The following RBM26 variants were observed in gnomAD, a reference collection of about 807,000 sequenced individuals.
The protein encoded by RBM26 is RNA-binding protein 26.
In RBM26, 30 loss-of-function variants were observed where a neutral mutation model predicts 123.6. The ratio of observed to expected loss-of-function variants is 0.24; its 90% confidence interval spans 0.18 to 0.33. The LOEUF is 0.33. Ranked by LOEUF, RBM26 falls within the 10% of genes least tolerant of loss-of-function variation. RBM26 has a pLI of 1.00. For missense variants in RBM26, 947 were observed against 1,203.6 expected, an observed-to-expected ratio of 0.79 and a Z score of 3.15; for synonymous variants, 400 against 404.4, an observed-to-expected ratio of 0.99 and a Z score of 0.13.
rs114666483 is a variant in RBM26 at position 79,323,277 on chromosome 13, A to G, written c.2821-815T>C. ...ATACTCACACAAGATTTATAATACA[A>G]TCTCAAAGTACAGCATAATGTGAAA... On this transcript the variant is annotated intron_variant, in intron 20 of 21. Transcript: ENST00000438737. 1.4e-3 allele frequency among the ~76,000 whole-genome samples: 207 copies of G among 151,702 alleles called. 1 individual carries two copies. The highest frequency in any genetic ancestry group is 4.7e-3 in the African/African-American group (194 of 41,510).
chr13:79,398,152 CCATTCATTCATTTCTCT>C (rs1293396191), intron 1 of RBM26, among the ~76,000 whole-genome samples: 1 of 152,170 alleles, frequency 6.6e-6, no homozygotes, highest in African/African-American at 2.4e-5. Context: ...GAACAGCTTA[CCATTCATTCATTTCTCT>C]CATTCATTCT....
chr13:79,396,481 T>C (rs1288505845), intron 1 of RBM26, among the ~76,000 whole-genome samples: 3 of 152,184 alleles, frequency 2.0e-5, no homozygotes, highest in Non-Finnish European at 2.9e-5. Flanking sequence ...TACAATGCAA[T>C]GTCAATAAAT....
At chr13:79,367,704 G>A (rs2075453881) in intron 6 of RBM26, among the ~76,000 whole-genome samples, 2 of 152,144 alleles carry the variant, frequency 1.3e-5, no homozygotes, top group South Asian at 2.1e-4. Flanking sequence ...TTCACCAGAT[G>A]CAGATGCTGG....
downstream of RBM26, chr13:79,314,955 G>C (rs1035542021): frequency 3.2e-5 from 42 of 1,297,560 alleles, no homozygotes; most frequent in Non-Finnish European, 4.0e-5. Flanking sequence ...TGCTCTTGCA[G>C]TCACAAAGCT....
intron 9 of RBM26, 133 bp from the exon 10 acceptor site, chr13:79,359,819 T>TAGA (rs2074465140): frequency 1.0e-5 from 2 of 198,986 alleles, no homozygotes; most frequent in Non-Finnish European, 9.8e-6. Flanking sequence ...ATTTTTTTTT[T>TAGA]AGAAGAAATA....
chr13:79,405,384 T>C (rs1277246428), intron 1 of RBM26, among the ~76,000 whole-genome samples: 5 of 152,096 alleles, frequency 3.3e-5, no homozygotes, highest in African/African-American at 1.2e-4. Flanking sequence ...AAATAATCTG[T>C]AGGAAGTAAA....
chr13:79,405,691 C>A lies in RBM26; in HGVS notation c.71+13G>T. The A allele has an allele frequency of 6.4e-7, 1 of 1,574,352 alleles. No individual in the cohort carries two copies. Among genetic ancestry groups the A allele is most frequent in the Non-Finnish European group, 8.7e-7 (1 of 1,153,384 alleles). ...CTGCCATCCCTGCAAAGAGATATCC[C>A]CCGGATACTCACATGGGCTCGAGAG... is the stretch of plus-strand genomic sequence containing the variant. On this transcript the variant is annotated intron_variant, in intron 1 of 21. Transcript: ENST00000438737.
At chr13:79,311,880 CAAT>C (rs1429891210) in exon 5 of RBM26, 2 of 151,696 alleles carry the variant, frequency 1.3e-5, no homozygotes, top group African/African-American at 4.8e-5. Context: ...AAATAATAAA[CAAT>C]ATGGATTTAA....
Position 79,319,212 on chromosome 13 carries a change from C to A in RBM26, c.*1409G>T, listed in dbSNP as rs976428017. The A allele has an allele frequency of 6.0e-5, 59 of 984,382 alleles. No individual in the cohort carries two copies. Among genetic ancestry groups the A allele is most frequent in the Non-Finnish European group, 6.9e-5 (57 of 829,336 alleles). The allele number at this position is 984,382 out of a possible 1,614,324, so 61.0% of individuals were successfully genotyped here. A position where few individuals can be genotyped will look rare whatever the true frequency, so the allele number is the denominator to read the frequency against. On this transcript the variant is annotated 3_prime_UTR_variant, in exon 22 of 22. Coordinates refer to ENST00000438737, the MANE Select transcript of RBM26 (RefSeq NM_001366735.2). Reference sequence around the variant, plus strand: ...GCAGAAGACTATGGTGGTGGTGGAACAACAGCTTTTGATTGTGAGGACCCC... The same window carrying A: ...GCAGAAGACTATGGTGGTGGTGGAAAAACAGCTTTTGATTGTGAGGACCCC...
At chr13:79,318,592 T>C (rs1459457175), downstream of RBM26, among the ~76,000 whole-genome samples, 1 of 151,452 alleles carries the variant, frequency 6.6e-6, no homozygotes, top group African/African-American at 2.4e-5. Context: ...TGAAATATAT[T>C]TGTCTTCTGA....
chr13:79,319,948 G>GATTT lies in RBM26; in HGVS notation c.*672_*673insAAAT. On this transcript the variant is annotated 3_prime_UTR_variant, in exon 22 of 22. Transcript: ENST00000438737. Reference sequence around the variant, plus strand: ...TTTTAAATCAAGGAACATTGTCTTGGCTTTTTTTTTTTTTTTTTTTTTGTC... The same window carrying GATTT: ...TTTTAAATCAAGGAACATTGTCTTGGATTTCTTTTTTTTTTTTTTTTTTTTTGTC... 4.6e-6 allele frequency: 2 copies of GATTT among 438,084 alleles called. No individual in the cohort carries two copies. The highest frequency in any genetic ancestry group is 5.0e-6 in the Non-Finnish European group (2 of 396,100). 27.1% of individuals were successfully genotyped at this position (438,084 alleles called of 1,614,324 possible).
intron 16 of RBM26, 107 bp downstream of exon 16, chr13:79,344,141 A>T: frequency 1.3e-6 from 1 of 769,108 alleles, no homozygotes; most frequent in East Asian, 2.5e-5. Context: ...TATTTGTTTT[A>T]CCATTACCAA....
At chr13:79,395,830 A>C (rs575370348) in intron 1 of RBM26, among the ~76,000 whole-genome samples, 1 of 152,178 alleles carries the variant, frequency 6.6e-6, no homozygotes, top group African/African-American at 2.4e-5. Flanking sequence ...TAAAACATAC[A>C]TGAGATTTTC....
chr13:79,337,345 C>G (rs1594065425), intron 18 of RBM26, 43 bp from the exon 19 acceptor site: 1 of 1,604,986 alleles, frequency 6.2e-7, no homozygotes, highest in Non-Finnish European at 8.5e-7. Context: ...GCTGTGATTA[C>G]TAACACAAGC....
At chr13:79,396,823 A>T (rs2078607876) in intron 1 of RBM26, among the ~76,000 whole-genome samples, 1 of 152,238 alleles carries the variant, frequency 6.6e-6, no homozygotes. Flanking sequence ...TTTGAAAAGC[A>T]ATCCATGTAA....
intron 9 of RBM26, among the ~76,000 whole-genome samples, chr13:79,361,641 T>C (rs1190839714): frequency 1.3e-5 from 2 of 152,188 alleles, no homozygotes; most frequent in Non-Finnish European, 2.9e-5. Flanking sequence ...TTGATCATCT[T>C]CTTTTCCATC....
At chr13:79,383,393 A>T (rs898883955) in intron 1 of RBM26, among the ~76,000 whole-genome samples, 3 of 152,222 alleles carry the variant, frequency 2.0e-5, no homozygotes, top group Non-Finnish European at 4.4e-5. Flanking sequence ...ACACACTACA[A>T]AAGATCTGAA....
chr13:79,388,992 T>G (rs1030151074), intron 1 of RBM26, among the ~76,000 whole-genome samples: 1 of 152,230 alleles, frequency 6.6e-6, no homozygotes, highest in Non-Finnish European at 1.5e-5. Context: ...CTATGTGGAA[T>G]CTATAATCAT....
chr13:79,394,709 C>T (rs1187234330), intron 1 of RBM26, among the ~76,000 whole-genome samples: 1 of 152,218 alleles, frequency 6.6e-6, no homozygotes, highest in Admixed American at 6.5e-5. Flanking sequence ...GCTTGGCTCA[C>T]TGCAACCTCC....
Sources: allele counts gnomAD v4.1 joint callset (sites outside exome capture counted in the v4.1 genomes callset), GRCh38; gene constraint gnomAD v4.1.1; transcripts MANE v1.5; gene names NCBI Gene and HGNC (gene_info 2026-07-23, HGNC 2026-07-21).